BCOR: variants seen among roughly 807,000 people sequenced by gnomAD.
BCOR encodes BCL-6 corepressor.
In BCOR, 10 loss-of-function variants were observed where a neutral mutation model predicts 86.7. The ratio of observed to expected loss-of-function variants is 0.12; its 90% CI spans 0.07 to 0.20. The LOEUF (loss-of-function observed/expected upper bound fraction) is 0.20. Ranked by LOEUF, BCOR falls within the 10% of genes least tolerant of loss-of-function variation. The pLI, the probability that BCOR is intolerant of heterozygous loss-of-function variation, is 1.00. For synonymous variants in BCOR, 611 were observed against 609.0 expected (o/e 1.00, Z -0.05); for missense variants, 1,259 against 1,452.1 (o/e 0.87, Z 2.16).
intron 1 of BCOR, among the ~76,000 whole-genome samples, chrX:40,117,593 A>G (rs766126864): frequency 1.2e-4 from 14 of 112,022 alleles, no homozygotes; most frequent in Non-Finnish European, 2.1e-4. Flanking sequence ...CATTCCACAT[A>G]ATAGAAGTGA....
chrX:40,168,253 T>G (rs982206795), intron 1 of BCOR, among the ~76,000 whole-genome samples: 1 of 112,889 alleles, frequency 8.9e-6, no homozygotes, highest in Non-Finnish European at 1.9e-5. Context: ...TCAGGAAGCA[T>G]TTTAGGGGGG....
intron 9 of BCOR, 49 bp downstream of exon 9, chrX:40,062,697 G>T: frequency 9.0e-7 from 1 of 1,114,003 alleles, no homozygotes; most frequent in East Asian, 3.1e-5. Flanking sequence ...GCAGGCAGGC[G>T]GGGATGTGTT....
intron 6 of BCOR, among the ~76,000 whole-genome samples, chrX:40,067,485 C>G (rs1198476373): frequency 8.9e-6 from 1 of 112,288 alleles, no homozygotes; most frequent in African/African-American, 3.2e-5. Context: ...TTCAGCCGGA[C>G]AGGGCCCCCT....
upstream of BCOR, among the ~76,000 whole-genome samples, chrX:40,101,759 A>T (rs1314142915): frequency 1.8e-5 from 2 of 112,538 alleles, no homozygotes; most frequent in Non-Finnish European, 3.8e-5. Flanking sequence ...TATAACGTAT[A>T]CTAGGATCCA....
rs748854678 is a variant in BCOR, at chrX:40,122,207, G to T, written c.-40-44238C>A. 2.7e-5 allele frequency among the ~76,000 whole-genome samples: 3 copies of T among 111,387 alleles called. No homozygotes were observed. The Admixed American group carries it at 2.9e-4, about 11-fold the overall frequency. ...CGTGCACATGTCCACTTTGCCAGGGGTACATGCATCAGAGTCCCAGAGGGC... is the reference window on the plus strand; with the variant it reads ...CGTGCACATGTCCACTTTGCCAGGGTTACATGCATCAGAGTCCCAGAGGGC... On this transcript the variant is annotated intron_variant, in intron 1 of 14. Transcript: ENST00000342274.
chrX:40,158,362 C>A (rs1385336161), intron 1 of BCOR, among the ~76,000 whole-genome samples: 1 of 111,883 alleles, frequency 8.9e-6, no homozygotes, highest in Admixed American at 9.3e-5. Context: ...GGCGGCGCTG[C>A]CCCCGGCGGT....
At chrX:40,053,480 A>C (rs1934427416) in intron 14 of BCOR, among the ~76,000 whole-genome samples, 1 of 111,987 alleles carries the variant, frequency 8.9e-6, no homozygotes, top group Non-Finnish European at 1.9e-5. Context: ...AACCTTACAC[A>C]AGGTGGTTTA....
At chrX:40,153,188 C>G (rs1271939400) in intron 1 of BCOR, among the ~76,000 whole-genome samples, 2 of 112,935 alleles carry the variant, frequency 1.8e-5, no homozygotes, top group African/African-American at 6.4e-5. Context: ...CAAGTAAACT[C>G]GCACTAGAGC....
chrX:40,095,388 T>C (rs1936811715), intron 1 of BCOR, among the ~76,000 whole-genome samples: 1 of 110,931 alleles, frequency 9.0e-6, no homozygotes, highest in African/African-American at 3.3e-5. Flanking sequence ...CGGCCCGCGG[T>C]GTCCGTTTCC....
At chrX:40,121,458 C>CT (rs1937485231) in intron 1 of BCOR, among the ~76,000 whole-genome samples, 1 of 112,964 alleles carries the variant, frequency 8.9e-6, no homozygotes, top group African/African-American at 3.2e-5. Flanking sequence ...GCACAGCCAT[C>CT]TAGCGTTAAG....
intron 1 of BCOR, among the ~76,000 whole-genome samples, chrX:40,176,050 T>C (rs948016990): frequency 8.9e-6 from 1 of 112,802 alleles, no homozygotes; most frequent in African/African-American, 3.2e-5. Context: ...TTCTGGCAGA[T>C]GGCCAAGTTT....
intron 1 of BCOR, among the ~76,000 whole-genome samples, chrX:40,152,162 G>A (rs1310367293): frequency 2.7e-5 from 3 of 111,230 alleles, no homozygotes; most frequent in Non-Finnish European, 3.8e-5. Context: ...AGTCACTAGA[G>A]TATTTGTCTT....
rs1004928154 is a variant in BCOR, at chrX:40,077,789, G to A, written c.86+55C>T. On this transcript the variant is annotated intron_variant, in intron 2 of 14. Transcript: ENST00000378444. ...ACGGTGGCTGTGAGAAGTTGAGGGG[G>A]GCTTCAGCATGGGCGTGGGCTCCAC... 6.4e-5 allele frequency: 70 copies of A among 1,096,278 alleles called. No individual in the cohort carries two copies. In the African/African-American group the frequency reaches 1.2e-3, roughly 19 times the overall value. 90.3% of individuals were successfully genotyped at this position (1,096,278 alleles called of 1,213,427 possible).
intron 1 of BCOR, among the ~76,000 whole-genome samples, chrX:40,168,691 C>A (rs1418122263): frequency 1.8e-5 from 2 of 112,922 alleles, no homozygotes; most frequent in Non-Finnish European, 3.8e-5. Context: ...GACGCCACAT[C>A]GGGCCTTCCC....
chrX:40,102,168 A>C (rs1308681059), upstream of BCOR, among the ~76,000 whole-genome samples: 1 of 112,764 alleles, frequency 8.9e-6, no homozygotes, highest in Non-Finnish European at 1.9e-5. Context: ...GCCAGGCTGA[A>C]CATGACTGTT....
chrX:40,072,917 C>A lies in BCOR; in HGVS notation c.2429G>T (p.Arg810Leu). The part of the protein sequence containing the change: ...SDKLVYVDLL[R>L]EEPDAKTDTN... Reference sequence around the variant, plus strand: ...GTCAGTTTTAGCATCTGGTTCTTCTCGGAGAAGGTCTACGTAGACAAGCTT... The same window carrying A: ...GTCAGTTTTAGCATCTGGTTCTTCTAGGAGAAGGTCTACGTAGACAAGCTT... The change falls in exon 4 of 15, where the codon CGA becomes CTA. Residue 810 changes from arginine (R) to leucine (L), a missense_variant. Physicochemically the swap from Arg to Leu is moderately radical, Grantham distance 102. Coordinates refer to ENST00000378444, the MANE Select transcript of BCOR (RefSeq NM_001123385.2). 2.5e-6 allele frequency: 3 copies of A among 1,211,453 alleles called. No homozygotes were observed. Among genetic ancestry groups the A allele is most frequent in the Non-Finnish European group, 3.4e-6 (3 of 895,413 alleles).
At chrX:40,107,226 G>C (rs1174375126) in intron 1 of BCOR, among the ~76,000 whole-genome samples, 1 of 111,990 alleles carries the variant, frequency 8.9e-6, no homozygotes, top group Non-Finnish European at 1.9e-5. Context: ...GTCGGATTTA[G>C]GGGGAAAGGG....
At chrX:40,052,853 C>T (rs991255620) in intron 14 of BCOR, among the ~76,000 whole-genome samples, 5 of 111,757 alleles carry the variant, frequency 4.5e-5, no homozygotes, top group East Asian at 2.8e-4. Context: ...TGTGAGCCAC[C>T]GTGCCCGGCC....
intron 1 of BCOR, among the ~76,000 whole-genome samples, chrX:40,080,106 C>G (rs1412524300): frequency 1.2e-5 from 1 of 81,934 alleles, no homozygotes; most frequent in African/African-American, 9.5e-5. Flanking sequence ...GAACCTCAAT[C>G]TTCTGGTGTC....
Sources: gnomAD v4.1 joint callset for allele counts (sites outside exome capture counted in the v4.1 genomes callset) on GRCh38, gnomAD v4.1.1 for gene constraint, MANE v1.5 for transcripts, NCBI Gene and HGNC (gene_info 2026-07-23, HGNC 2026-07-21) for gene names.